The following ARHGAP32 variants were observed in gnomAD, a reference collection of about 807,000 sequenced individuals.
ARHGAP32 encodes the protein rho GTPase-activating protein 32.
A neutral mutation model predicts 186.5 loss-of-function variants in ARHGAP32; 51 were observed. That is an observed-to-expected ratio of 0.27 (90% confidence interval 0.22 to 0.35). The LOEUF is 0.35. Ranked by LOEUF, ARHGAP32 falls within the 10% of genes least tolerant of loss-of-function variation. ARHGAP32 has a pLI of 1.00. For missense variants in ARHGAP32, 2,186 were observed against 2,623.5 expected (o/e 0.83, Z 3.64); for synonymous variants, 950 against 964.3 (o/e 0.99, Z 0.27).
intron 2 of ARHGAP32, among the ~76,000 whole-genome samples, chr11:129,157,693 A>G (rs1943437999): frequency 6.6e-6 from 1 of 152,190 alleles, no homozygotes; most frequent in Non-Finnish European, 1.5e-5. Flanking sequence ...CAACCTAGCA[A>G]AACAGGCCAA....
At chr11:129,140,556 G>A (rs1943029732) in intron 2 of ARHGAP32, among the ~76,000 whole-genome samples, 1 of 152,136 alleles carries the variant, frequency 6.6e-6, no homozygotes, top group Admixed American at 6.5e-5. Context: ...CTCTTTCCCA[G>A]GACTTGGGAT....
intron 2 of ARHGAP32, among the ~76,000 whole-genome samples, chr11:129,135,212 C>T (rs983023234): frequency 2.6e-5 from 4 of 152,090 alleles, no homozygotes; most frequent in African/African-American, 9.7e-5. Flanking sequence ...GCAAAAGACA[C>T]AGAAGTACCA....
intron 11 of ARHGAP32, among the ~76,000 whole-genome samples, chr11:129,027,909 T>A (rs900724809): frequency 4.6e-5 from 7 of 152,232 alleles, no homozygotes; most frequent in Non-Finnish European, 8.8e-5. Flanking sequence ...ATGCACTCGA[T>A]AAATTCTTGA....
intron 10 of ARHGAP32, among the ~76,000 whole-genome samples, chr11:129,056,828 G>A (rs936510398): frequency 2.6e-5 from 4 of 152,132 alleles, no homozygotes; most frequent in African/African-American, 7.2e-5. Context: ...TCAAGAGGGT[G>A]ACACCTCAGC....
intron 11 of ARHGAP32, among the ~76,000 whole-genome samples, chr11:129,023,359 C>T (rs1314908946): frequency 6.6e-6 from 1 of 152,120 alleles, no homozygotes; most frequent in South Asian, 2.1e-4. Context: ...GTTACTTCTT[C>T]GTGCAAACTT....
rs373034851 is a variant in ARHGAP32 at position 129,154,913 on chromosome 11, A to C, written c.225+9406T>G. Among the ~76,000 whole-genome samples, 11 of 152,318 alleles carry C rather than the reference A, an allele frequency of 7.2e-5. No individual in the cohort carries two copies. In the East Asian group the frequency reaches 7.7e-4, roughly 11 times the overall value. Reference sequence around the variant, plus strand: ...TTAAAAAAAAATTGTATGATAAAGAAGGAGTTGAAAATCAAGAGTCAATCC... The same window carrying C: ...TTAAAAAAAAATTGTATGATAAAGACGGAGTTGAAAATCAAGAGTCAATCC... On this transcript the variant is annotated intron_variant, in intron 2 of 22. Coordinates refer to ENST00000682385, the MANE Select transcript of ARHGAP32 (RefSeq NM_001378024.1).
chr11:129,129,258 C>G (rs1487230366), intron 2 of ARHGAP32, among the ~76,000 whole-genome samples: 1 of 142,238 alleles, frequency 7.0e-6, no homozygotes, highest in Non-Finnish European at 1.6e-5. Context: ...AAGTGAGGAG[C>G]CCCTCCACCC....
chr11:128,989,899 T>C (rs1225029443), intron 12 of ARHGAP32, among the ~76,000 whole-genome samples: 1 of 152,148 alleles, frequency 6.6e-6, no homozygotes, highest in Non-Finnish European at 1.5e-5. Flanking sequence ...CTCATCCTTT[T>C]TTATGGCTGC....
intron 2 of ARHGAP32, among the ~76,000 whole-genome samples, chr11:129,150,433 A>T (rs1299849571): frequency 6.6e-6 from 1 of 152,186 alleles, no homozygotes; most frequent in African/African-American, 2.4e-5. Flanking sequence ...TCAGAACTTA[A>T]GACGAAAGAA....
In ARHGAP32 at chr11:129,123,582, C is replaced by T; in HGVS notation, c.360-52G>A. On this transcript the variant is annotated intron_variant, in intron 4 of 22. Coordinates refer to ENST00000682385, the MANE Select transcript of ARHGAP32 (RefSeq NM_001378024.1). This position sits in a 1 kb window ranked among gnomAD's most constrained non-coding sequence, Gnocchi z 4.6. The stretch of plus-strand genomic sequence containing the variant: ...CGAGATAGTGAAACAGTAAAAATTA[C>T]TAAGTTTAAGGGAAAAATACAGTGG... The T allele has an allele frequency of 6.6e-7, 1 of 1,524,692 alleles. No individual in the cohort carries two copies. Among genetic ancestry groups the T allele is most frequent in the Non-Finnish European group, 9.0e-7 (1 of 1,105,994 alleles). 94.4% of individuals were successfully genotyped at this position (1,524,692 alleles called of 1,614,324 possible). A position where few individuals can be genotyped will look rare whatever the true frequency, so the allele number is the denominator to read the frequency against.
At chr11:129,156,521 G>A (rs1943411509) in intron 2 of ARHGAP32, among the ~76,000 whole-genome samples, 1 of 152,188 alleles carries the variant, frequency 6.6e-6, no homozygotes, top group Non-Finnish European at 1.5e-5. Context: ...CAAAGCCACT[G>A]TAGCCAGACT....
chr11:129,147,538 G>A (rs1336052517), intron 2 of ARHGAP32, among the ~76,000 whole-genome samples: 1 of 152,150 alleles, frequency 6.6e-6, no homozygotes, highest in Non-Finnish European at 1.5e-5. Flanking sequence ...GATTTTGTTT[G>A]TCTTTTGATT....
At chr11:129,015,249 A>C (rs1232324993) in intron 11 of ARHGAP32, among the ~76,000 whole-genome samples, 1 of 152,172 alleles carries the variant, frequency 6.6e-6, no homozygotes, top group Non-Finnish European at 1.5e-5. Flanking sequence ...CAGTTTTAGG[A>C]TACACTAACT....
At chr11:129,110,692 T>C (rs1043590911) in intron 5 of ARHGAP32, among the ~76,000 whole-genome samples, 1 of 152,182 alleles carries the variant, frequency 6.6e-6, no homozygotes, top group South Asian at 2.1e-4. Context: ...TTTGTTTAGT[T>C]ATTGTAAATA....
chr11:129,278,682 A>G (rs923833344), intron 1 of ARHGAP32, among the ~76,000 whole-genome samples: 3 of 151,726 alleles, frequency 2.0e-5, no homozygotes, highest in Admixed American at 6.5e-5. Flanking sequence ...GGGAGCAGAG[A>G]CCTCTGGCCC....
At chr11:129,049,557 G>C (rs1000652266) in intron 10 of ARHGAP32, among the ~76,000 whole-genome samples, 1 of 151,734 alleles carries the variant, frequency 6.6e-6, no homozygotes, top group African/African-American at 2.4e-5. Flanking sequence ...ACTGCTCCTC[G>C]GGCAATTACT....
At chr11:129,113,809 C>T (rs749713159) in intron 5 of ARHGAP32, among the ~76,000 whole-genome samples, 2 of 151,984 alleles carry the variant, frequency 1.3e-5, no homozygotes, top group Non-Finnish European at 2.9e-5. Context: ...AAACTGAATT[C>T]GTCATCTTTC....
At chr11:129,165,056 G>T (rs934628876) in intron 1 of ARHGAP32, among the ~76,000 whole-genome samples, 9 of 152,086 alleles carry the variant, frequency 5.9e-5, no homozygotes, top group Admixed American at 4.6e-4. Flanking sequence ...ATGGGAAATA[G>T]AGCCCAAGAT....
chr11:128,979,504 G>A (rs1453615453), intron 18 of ARHGAP32, among the ~76,000 whole-genome samples: 2 of 152,136 alleles, frequency 1.3e-5, no homozygotes, highest in Admixed American at 6.5e-5. Flanking sequence ...GATGGAGTCA[G>A]AATTGGAACC....
Sources: gnomAD v4.1 joint callset for allele counts (sites outside exome capture counted in the v4.1 genomes callset) on GRCh38, gnomAD v4.1.1 for gene constraint, Gnocchi (gnomAD v3.1) non-coding constraint, MANE v1.5 for transcripts, NCBI Gene and HGNC (gene_info 2026-07-23, HGNC 2026-07-21) for gene names.